MARCHF6: variants seen among roughly 807,000 people sequenced by gnomAD.
MARCHF6 encodes the protein membrane associated ring-CH-type finger 6, also known as E3 ubiquitin-protein ligase MARCHF6.
In MARCHF6, 31 loss-of-function variants were observed where a neutral mutation model predicts 133.7. The ratio of observed to expected loss-of-function variants is 0.23; its 90% CI spans 0.17 to 0.31. The LOEUF is 0.31. Ranked by LOEUF, MARCHF6 falls within the 10% of genes least tolerant of loss-of-function variation. MARCHF6 has a pLI of 1.00. For synonymous variants in MARCHF6, 395 were observed against 402.5 expected, an observed-to-expected ratio of 0.98 and a Z score of 0.22; for missense variants, 723 against 1,121.6, an observed-to-expected ratio of 0.64 and a Z score of 5.08.
intron 1 of MARCHF6, among the ~76,000 whole-genome samples, chr5:10,364,706 T>C (rs569627079): frequency 1.1e-4 from 17 of 152,310 alleles, no homozygotes; most frequent in African/African-American, 3.9e-4. Flanking sequence ...CACCATGACT[T>C]GCGTATCTGT....
intron 18 of MARCHF6, 129 bp downstream of exon 18, chr5:10,410,405 T>A: frequency 1.8e-6 from 2 of 1,111,946 alleles, no homozygotes; most frequent in East Asian, 2.6e-5. Flanking sequence ...TTTAGTAATA[T>A]TTGCAATTGC....
At chr5:10,364,549 T>C (rs944889274) in intron 1 of MARCHF6, among the ~76,000 whole-genome samples, 1 of 152,184 alleles carries the variant, frequency 6.6e-6, no homozygotes, top group Non-Finnish European at 1.5e-5. Context: ...TTAGCATCCC[T>C]ATCACTGAAC....
intron 1 of MARCHF6, among the ~76,000 whole-genome samples, chr5:10,361,801 T>A (rs192985496): frequency 1.3e-5 from 2 of 152,258 alleles, no homozygotes; most frequent in East Asian, 3.9e-4. Flanking sequence ...TTAGCTCTTG[T>A]TGCCTAGGCT....
intron 1 of MARCHF6, among the ~76,000 whole-genome samples, chr5:10,372,228 C>T (rs887467855): frequency 6.6e-6 from 1 of 151,896 alleles, no homozygotes; most frequent in African/African-American, 2.4e-5. Context: ...TGTTTTTCTC[C>T]TAAGACCCAA....
At chr5:10,368,702 C>T (rs1039543138) in intron 1 of MARCHF6, among the ~76,000 whole-genome samples, 4 of 152,054 alleles carry the variant, frequency 2.6e-5, no homozygotes, top group African/African-American at 9.7e-5. Context: ...GCCTCTGCCT[C>T]GCAAGTAGCT....
At chr5:10,421,744 C>G (rs1739835105) in intron 22 of MARCHF6, among the ~76,000 whole-genome samples, 1 of 152,194 alleles carries the variant, frequency 6.6e-6, no homozygotes, top group African/African-American at 2.4e-5. Flanking sequence ...TGGGTTGTTG[C>G]ATCTTCCCTG....
At chr5:10,391,909 T>G (rs1045452308) in intron 7 of MARCHF6, among the ~76,000 whole-genome samples, 178 bp downstream of exon 7, 1 of 152,206 alleles carries the variant, frequency 6.6e-6, no homozygotes, top group African/African-American at 2.4e-5. Flanking sequence ...AATATGTTTT[T>G]TTCTATGAAA....
At chr5:10,418,495 G>GTT (rs1739649624) in intron 22 of MARCHF6, among the ~76,000 whole-genome samples, 1 of 152,146 alleles carries the variant, frequency 6.6e-6, no homozygotes, top group Admixed American at 6.5e-5. Context: ...AGAGCCTGAG[G>GTT]TTTTTAACAT....
intron 16 of MARCHF6, 105 bp downstream of exon 16, chr5:10,405,782 T>G: frequency 2.1e-6 from 2 of 956,618 alleles, no homozygotes; most frequent in Non-Finnish European, 1.5e-6. Flanking sequence ...ATAGAGTATA[T>G]TGAATAATAT....
chr5:10,416,581 C>T (rs35852710), intron 21 of MARCHF6, among the ~76,000 whole-genome samples: 23,814 of 152,180 alleles, frequency 0.16, 2,446 homozygotes, highest in Non-Finnish European at 0.23. Context: ...CTTCCATACA[C>T]ATCATATTTA....
chr5:10,394,720 T>G, intron 8 of MARCHF6, 33 bp from the exon 9 acceptor site: 2 of 1,551,582 alleles, frequency 1.3e-6, no homozygotes, highest in Non-Finnish European at 1.8e-6. Context: ...TGTTGCATCT[T>G]AAATTAATGC....
chr5:10,404,080 CTTAT>C (rs977482024), intron 15 of MARCHF6, among the ~76,000 whole-genome samples: 3 of 142,090 alleles, frequency 2.1e-5, no homozygotes, highest in African/African-American at 8.1e-5. Flanking sequence ...TATTTATTTA[CTTAT>C]TTACTTTTTG....
In MARCHF6 at chr5:10,437,154, A is replaced by G. The variant is rs2126402829; in HGVS notation, c.*3470A>G. On this transcript the variant is annotated 3_prime_UTR_variant, in exon 26 of 26. Transcript: ENST00000274140. Reference sequence around the variant, plus strand: ...CACACGTGCAGGAGAATGTAGTGCCATAAGAACACTGGCGCTTTTTAAAAC... The same window carrying G: ...CACACGTGCAGGAGAATGTAGTGCCGTAAGAACACTGGCGCTTTTTAAAAC... The G allele has an allele frequency of 6.6e-6, 1 of 152,386 alleles. No individual in the cohort carries two copies. Among genetic ancestry groups the G allele is most frequent in the South Asian group, 2.1e-4 (1 of 4,834 alleles). The allele number at this position is 152,386 out of a possible 1,614,324, so 9.4% of individuals were successfully genotyped here. A position where few individuals can be genotyped will look rare whatever the true frequency, so the allele number is the denominator to read the frequency against.
At chr5:10,359,717 T>C (rs1352535621) in intron 1 of MARCHF6, among the ~76,000 whole-genome samples, 1 of 152,168 alleles carries the variant, frequency 6.6e-6, no homozygotes, top group South Asian at 2.1e-4. Flanking sequence ...TATAATGTAA[T>C]ACAAAGGCTG....
chr5:10,364,772 G>C (rs1736032971), intron 1 of MARCHF6, among the ~76,000 whole-genome samples: 1 of 152,202 alleles, frequency 6.6e-6, no homozygotes, highest in African/African-American at 2.4e-5. Context: ...TTAGAAACAA[G>C]TAGAAAATGG....
intron 4 of MARCHF6, among the ~76,000 whole-genome samples, chr5:10,385,142 A>G (rs1016203405): frequency 1.3e-5 from 2 of 152,210 alleles, no homozygotes; most frequent in Admixed American, 6.5e-5. Flanking sequence ...ACATTCATCT[A>G]TAGTGGTAGA....
rs1305281776 is a variant in MARCHF6 at position 10,403,318 on chromosome 5, A to AGG, written c.1198-89_1198-88insGG. On this transcript the variant is annotated intron_variant, in intron 14 of 25. Transcript: ENST00000274140. The stretch of plus-strand genomic sequence containing the variant: ...TCTAGGAATTGTTCCTTGCATGCAT[A>AGG]TTGATTATTTATTTCCTAGAAGATG... The AGG allele has an allele frequency of 1.4e-4, 191 of 1,318,040 alleles. No homozygotes were observed. In the Admixed American group the frequency reaches 4.1e-3, roughly 28 times the overall value. 81.6% of individuals were successfully genotyped at this position (1,318,040 alleles called of 1,614,324 possible).
chr5:10,375,063 TGAG>T (rs1270303380), intron 1 of MARCHF6, among the ~76,000 whole-genome samples: 3 of 152,194 alleles, frequency 2.0e-5, no homozygotes, highest in African/African-American at 7.2e-5. Flanking sequence ...TGGCGGCACT[TGAG>T]GAGCCCTTCA....
intron 10 of MARCHF6, 93 bp from the exon 11 acceptor site, chr5:10,400,691 A>G: frequency 1.1e-6 from 1 of 889,962 alleles, no homozygotes; most frequent in Non-Finnish European, 1.9e-6. Flanking sequence ...TCATTTCTCC[A>G]AGAAGCCCTA....
Sources: allele counts gnomAD v4.1 joint callset (sites outside exome capture counted in the v4.1 genomes callset), GRCh38; gene constraint gnomAD v4.1.1; transcripts MANE v1.5; gene names NCBI Gene and HGNC (gene_info 2026-07-23, HGNC 2026-07-21).